PER3: variants seen among roughly 807,000 people sequenced by gnomAD.
The protein encoded by PER3 is period circadian regulator 3, also known as period circadian protein homolog 3.
Under a neutral mutation model 127.2 loss-of-function variants are expected in PER3, and 107 were observed. The observed-to-expected ratio is 0.84, with a 90% CI of 0.72 to 0.99. The LOEUF (loss-of-function observed/expected upper bound fraction) is 0.99. PER3 is among the 50% of genes least tolerant of loss of function. The pLI, the probability that PER3 is intolerant of heterozygous loss-of-function variation, is 0.00. For synonymous variants in PER3, 618 were observed against 585.8 expected (o/e 1.05, Z -0.79); for missense variants, 1,560 against 1,525.8 (o/e 1.02, Z -0.37).
At position 7,827,295 on chromosome 1, in the gene PER3, C is replaced by G. The variant is rs746538221; in HGVS notation, c.2366C>G (p.Ser789Trp). Residue 789 changes from serine (S) to tryptophan (W), a missense_variant, in exon 18 of 22, where the codon TCG becomes TGG. Coordinates refer to ENST00000377532, the MANE Select transcript of PER3 (RefSeq NM_001377275.1). ...TCCGCGGCCTCCTCTCCGCACACCT[C>G]GAGCCCGACCTTCCCACCTGCCGCC... is the stretch of plus-strand genomic sequence containing the variant. ...CPSAASSPHT[S>W]SPTFPPAAMV... is the part of the protein sequence containing the mutation. 1.1e-5 allele frequency: 17 copies of G among 1,613,600 alleles called. No individual in the cohort carries two copies. The highest frequency in any genetic ancestry group is 1.3e-5 in the Non-Finnish European group (15 of 1,179,836).
chr1:7,787,232 G>T, intron 4 of PER3: 2 of 903,536 alleles, frequency 2.2e-6, no homozygotes, highest in Non-Finnish European at 2.7e-6. Context: ...GTAACAACTG[G>T]ATGTTATAGA....
In PER3 at chr1:7,844,605, T is replaced by C. The variant is rs2097403527; in HGVS notation, c.*1850T>C. The C allele has an allele frequency of 6.5e-6, 1 of 152,830 alleles. No homozygotes were observed. Among genetic ancestry groups the C allele is most frequent in the Non-Finnish European group, 1.5e-5 (1 of 68,056 alleles). 9.5% of individuals were successfully genotyped at this position (152,830 alleles called of 1,614,324 possible). A position where few individuals can be genotyped will look rare whatever the true frequency, so the allele number is the denominator to read the frequency against. The stretch of plus-strand genomic sequence containing the variant: ...TTCCATTGTTTCTGGATATTTGTAT[T>C]ATCCAAATGTGCTTATTTCTTTGCC... On this transcript the variant is annotated 3_prime_UTR_variant, in exon 22 of 22. Coordinates refer to ENST00000377532, the MANE Select transcript of PER3 (RefSeq NM_001377275.1).
intron 19 of PER3, among the ~76,000 whole-genome samples, chr1:7,830,553 C>T (rs991302038): frequency 6.6e-6 from 1 of 152,192 alleles, no homozygotes; most frequent in Non-Finnish European, 1.5e-5. Context: ...AGACAGTATG[C>T]TGTCTTTCGT....
intron 10 of PER3, among the ~76,000 whole-genome samples, chr1:7,806,827 A>ATATG (rs2097196356): frequency 2.9e-5 from 4 of 139,098 alleles, no homozygotes; most frequent in Non-Finnish European, 6.1e-5. Flanking sequence ...ATATATATAT[A>ATATG]TATATATATT....
chr1:7,804,185 A>G (rs1303777594), intron 10 of PER3, among the ~76,000 whole-genome samples: 3 of 152,198 alleles, frequency 2.0e-5, no homozygotes, highest in Non-Finnish European at 4.4e-5. Context: ...AAAATTATTT[A>G]TACCTATGAT....
chr1:7,832,609 A>G (rs2151220399), intron 19 of PER3, among the ~76,000 whole-genome samples: 1 of 152,000 alleles, frequency 6.6e-6, no homozygotes, highest in Non-Finnish European at 1.5e-5. Context: ...TCCTGATCTC[A>G]TGATTCGCCC....
At chr1:7,805,690 C>T (rs1558416395) in intron 10 of PER3, among the ~76,000 whole-genome samples, 1 of 152,158 alleles carries the variant, frequency 6.6e-6, no homozygotes, top group Non-Finnish European at 1.5e-5. Flanking sequence ...CCGATGGTTG[C>T]TTGGCATGAA....
intron 5 of PER3, among the ~76,000 whole-genome samples, chr1:7,789,393 G>A (rs2097108301): frequency 6.6e-6 from 1 of 152,156 alleles, no homozygotes; most frequent in Non-Finnish European, 1.5e-5. Flanking sequence ...AGTCTCATGA[G>A]ATCTGATTGC....
chr1:7,830,879 CAAGT>C (rs1280028682), intron 19 of PER3, among the ~76,000 whole-genome samples: 1 of 152,190 alleles, frequency 6.6e-6, no homozygotes, highest in African/African-American at 2.4e-5. Context: ...ATGTAACTTT[CAAGT>C]AAGTCTTGAA....
intron 5 of PER3, among the ~76,000 whole-genome samples, chr1:7,791,126 C>T (rs1271330856): frequency 6.6e-6 from 1 of 152,240 alleles, no homozygotes; most frequent in African/African-American, 2.4e-5. Flanking sequence ...CCAGTGAAGA[C>T]TGTGTGGGCT....
rs1308411003 is a variant in PER3 at position 7,843,918 on chromosome 1, T to C, written c.*1163T>C. 1 of 1,282,406 alleles carries C rather than the reference T, an allele frequency of 7.8e-7. No individual in the cohort carries two copies. The highest frequency in any genetic ancestry group is 2.5e-4 in the Middle Eastern group (1 of 4,040). The allele number at this position is 1,282,406 out of a possible 1,614,324, so 79.4% of individuals were successfully genotyped here. The stretch of plus-strand genomic sequence containing the variant: ...TTTTAGAGAAGTCCCTGATTCCTTC[T>C]TAAACTTGGAATGATAGATGAAATT... On this transcript the variant is annotated 3_prime_UTR_variant, in exon 22 of 22. Transcript: ENST00000377532.
chr1:7,790,463 C>T (rs569207561), intron 5 of PER3, among the ~76,000 whole-genome samples: 15 of 152,284 alleles, frequency 9.9e-5, no homozygotes, highest in East Asian at 7.7e-4. Flanking sequence ...TACCTCCCTC[C>T]GGGTTCCTCC....
At chr1:7,823,137 C>G (rs2097285234) in intron 16 of PER3, among the ~76,000 whole-genome samples, 1 of 152,136 alleles carries the variant, frequency 6.6e-6, no homozygotes, top group African/African-American at 2.4e-5. Flanking sequence ...CAAGACCTAA[C>G]TATATGCAAA....
At chr1:7,790,115 G>T (rs2097112356) in intron 5 of PER3, among the ~76,000 whole-genome samples, 1 of 152,204 alleles carries the variant, frequency 6.6e-6, no homozygotes, top group Admixed American at 6.5e-5. Flanking sequence ...AGCACTGCCT[G>T]TGGCTTTTCA....
In PER3 at chr1:7,827,804, C is replaced by CAA; in HGVS notation, c.2877_2878dup (p.Thr960LysfsTer48). ...TCAGATGAGAAGGAACACGTGCCCACAAACTGAGTATGTAAGTGATGCTCA... is the reference window on the plus strand; with the variant it reads ...TCAGATGAGAAGGAACACGTGCCCACAAAAACTGAGTATGTAAGTGATGCTCA... On this transcript the variant is annotated frameshift_variant, in exon 18 of 22. Coordinates refer to ENST00000377532, the MANE Select transcript of PER3 (RefSeq NM_001377275.1). LOFTEE classifies it high-confidence loss of function. 6.2e-7 allele frequency: 1 copy of CAA among 1,609,568 alleles called. No individual in the cohort carries two copies. Among genetic ancestry groups the CAA allele is most frequent in the Non-Finnish European group, 8.5e-7 (1 of 1,176,822 alleles).
intron 13 of PER3, among the ~76,000 whole-genome samples, chr1:7,816,148 C>T (rs773449233): frequency 4.3e-4 from 66 of 151,896 alleles, no homozygotes; most frequent in Middle Eastern, 3.2e-3. Context: ...GTAATCTAAG[C>T]TTCCTCCTTA....
In PER3 at chr1:7,820,124, G is replaced by A; in HGVS notation, c.1668G>A (p.Lys556=). The change falls in exon 15 of 22, where the codon AAG becomes AAA. Residue 556 remains lysine (K), a synonymous_variant. Coordinates refer to ENST00000377532, the MANE Select transcript of PER3 (RefSeq NM_001377275.1). The part of the protein sequence containing the change: ...NCIDSVIRYL[K]SYNIPALKRK... ...AATTATGTTGTTACAGATACCTGAA[G>A]AGCTACAACATTCCAGCTTTGAAAA... 2.5e-6 allele frequency: 4 copies of A among 1,613,558 alleles called. No homozygotes were observed. Among genetic ancestry groups the A allele is most frequent in the East Asian group, 2.2e-5 (1 of 44,860 alleles).
intron 5 of PER3, among the ~76,000 whole-genome samples, chr1:7,793,450 C>G (rs913086373): frequency 3.9e-5 from 6 of 152,210 alleles, no homozygotes; most frequent in Non-Finnish European, 7.4e-5. Flanking sequence ...ACAATAAAGT[C>G]ATAAAACGAT....
At chr1:7,823,994 C>T (rs759474866) in intron 16 of PER3, among the ~76,000 whole-genome samples, 2 of 152,102 alleles carry the variant, frequency 1.3e-5, no homozygotes, top group East Asian at 3.9e-4. Flanking sequence ...ATATTTCAAC[C>T]CAAATGTTTA....
Sources: gnomAD v4.1 joint callset for allele counts (sites outside exome capture counted in the v4.1 genomes callset) on GRCh38, gnomAD v4.1.1 for gene constraint, MANE v1.5 for transcripts, NCBI Gene and HGNC (gene_info 2026-07-23, HGNC 2026-07-21) for gene names.